The following IRAG2 variants were observed in gnomAD, a reference collection of about 807,000 sequenced individuals.
IRAG2 encodes the protein lymphoid restricted membrane protein.
Under a neutral mutation model 69.9 loss-of-function variants are expected in IRAG2, and 45 were observed. That is an observed-to-expected ratio of 0.64 (90% CI 0.51 to 0.83). IRAG2 has a LOEUF of 0.83. Among genes scored for constraint, IRAG2 ranks in the 40% least tolerant of loss-of-function variants. The pLI is 0.00. For synonymous variants in IRAG2, 193 were observed against 202.4 expected (o/e 0.95, Z 0.40); for missense variants, 520 against 587.0 (o/e 0.89, Z 1.18).
At chr12:25,079,582 C>A in intron 8 of IRAG2, 74 bp from the exon 9 acceptor site, 1 of 1,269,626 alleles carries the variant, frequency 7.9e-7, no homozygotes, top group South Asian at 1.2e-5. Context: ...ACTCCTTTTG[C>A]ATAGTATAGT....
At chr12:25,079,811 G>A (rs745858792) in intron 9 of IRAG2, 48 bp downstream of exon 9, 36 of 1,237,244 alleles carry the variant, frequency 2.9e-5, no homozygotes, top group Non-Finnish European at 4.3e-5. Flanking sequence ...AAAACACGAA[G>A]CAAGTCTATA....
At chr12:25,057,034 C>A (rs1386773004) in intron 1 of IRAG2, among the ~76,000 whole-genome samples, 1 of 152,110 alleles carries the variant, frequency 6.6e-6, no homozygotes, top group Non-Finnish European at 1.5e-5. Context: ...CTACATTTGC[C>A]TTTCACCCCA....
intron 8 of IRAG2, among the ~76,000 whole-genome samples, chr12:25,025,164 G>A (rs58171762): frequency 0.05 from 7,665 of 152,234 alleles, 344 homozygotes; most frequent in East Asian, 0.23. Context: ...TGTGGAACTA[G>A]TATGTTAGAC....
intron 14 of IRAG2, chr12:25,090,772 G>T: frequency 2.3e-6 from 1 of 441,060 alleles, no homozygotes; most frequent in Non-Finnish European, 4.5e-6. Flanking sequence ...TTTAAAGTAG[G>T]TTGCATGAGT....
chr12:25,097,259 A>C (rs1305529257), intron 15 of IRAG2: 4 of 438,916 alleles, frequency 9.1e-6, no homozygotes, highest in Non-Finnish European at 1.6e-5. Flanking sequence ...GACAATCATA[A>C]AATTTTTGTG....
At chr12:25,006,424 T>C (rs567253966) in intron 2 of IRAG2, 1 of 152,360 alleles carries the variant, frequency 6.6e-6, no homozygotes, top group Admixed American at 6.5e-5. Flanking sequence ...TATGCACTTA[T>C]ATGTTCATCA....
intron 16 of IRAG2, among the ~76,000 whole-genome samples, chr12:25,043,078 G>A (rs1235031901): frequency 1.3e-5 from 2 of 151,728 alleles, no homozygotes; most frequent in Non-Finnish European, 2.9e-5. Context: ...TTCTCTCCAG[G>A]AGCACATGAA....
chr12:25,087,280 G>C (rs565069067), intron 10 of IRAG2, among the ~76,000 whole-genome samples: 16 of 143,676 alleles, frequency 1.1e-4, no homozygotes, highest in African/African-American at 4.1e-4. Context: ...TGATTCTCCT[G>C]CCTCAGCCTT....
At chr12:25,020,087 A>T (rs1944565960) in intron 6 of IRAG2, among the ~76,000 whole-genome samples, 1 of 152,222 alleles carries the variant, frequency 6.6e-6, no homozygotes, top group Admixed American at 6.5e-5. Flanking sequence ...TTGTTAAATG[A>T]TCAATGTAAT....
chr12:25,104,233 CTG>C (rs1031331347), intron 19 of IRAG2, 126 bp from the exon 20 acceptor site: 5 of 802,288 alleles, frequency 6.2e-6, no homozygotes, highest in Non-Finnish European at 9.8e-6. Flanking sequence ...AGTAGGAGAT[CTG>C]TGAATGTGCC....
At chr12:25,013,420 G>T (rs1251388013) in intron 3 of IRAG2, among the ~76,000 whole-genome samples, 3 of 152,216 alleles carry the variant, frequency 2.0e-5, no homozygotes, top group Non-Finnish European at 4.4e-5. Context: ...TGAGGCTGCA[G>T]TAAGCTGTGA....
At chr12:25,081,281 G>A (rs574673699) in intron 9 of IRAG2, among the ~76,000 whole-genome samples, 14 of 152,204 alleles carry the variant, frequency 9.2e-5, no homozygotes, top group African/African-American at 2.6e-4. Flanking sequence ...TGACTAACAC[G>A]GTGGAACCCC....
At chr12:25,030,365 T>C (rs1944659462) in intron 10 of IRAG2, 5 of 1,215,910 alleles carry the variant, frequency 4.1e-6, no homozygotes, top group Admixed American at 4.2e-5. Context: ...CAAAGTCCCA[T>C]GGAATTGGCT....
At chr12:25,042,506 G>A (rs930934302) in intron 16 of IRAG2, among the ~76,000 whole-genome samples, 7 of 151,742 alleles carry the variant, frequency 4.6e-5, no homozygotes, top group Admixed American at 6.6e-5. Flanking sequence ...TCGCTCTGTC[G>A]CCAGGGTGGA....
chr12:25,092,163 G>A (rs981908733), intron 14 of IRAG2, among the ~76,000 whole-genome samples: 4 of 151,688 alleles, frequency 2.6e-5, no homozygotes, highest in African/African-American at 9.7e-5. Flanking sequence ...TACTTGGGAG[G>A]CTGAGGCAGG....
chr12:25,076,638 C>T, intron 6 of IRAG2: 6 of 980,440 alleles, frequency 6.1e-6, no homozygotes, highest in Non-Finnish European at 7.3e-6. Context: ...ATGATCTTGA[C>T]AGGTACAAAA....
At chr12:25,059,269 A>AT (rs34806462) in intron 1 of IRAG2, among the ~76,000 whole-genome samples, 66,574 of 152,042 alleles carry the variant, frequency 0.44, 16,351 homozygotes, top group East Asian at 0.66. Context: ...TTAAGACAGA[A>AT]TTTTTTAAAA....
chr12:25,015,409 G>A, exon 5 of IRAG2: 2 of 1,231,922 alleles, frequency 1.6e-6, no homozygotes, highest in South Asian at 4.1e-5. Flanking sequence ...TTTGGGAGGA[G>A]AAACATCTAA....
chr12:25,054,787 G>A (rs967003035), intron 1 of IRAG2, among the ~76,000 whole-genome samples: 8 of 152,268 alleles, frequency 5.3e-5, no homozygotes, highest in Middle Eastern at 3.4e-3. Flanking sequence ...ATGTACTTAC[G>A]ATCTTTCTAA....
Sources: gnomAD v4.1 joint callset for allele counts (sites outside exome capture counted in the v4.1 genomes callset) on GRCh38, gnomAD v4.1.1 for gene constraint, MANE v1.5 for transcripts, NCBI Gene and HGNC (gene_info 2026-07-23, HGNC 2026-07-21) for gene names.